CTNNA3: variants seen among roughly 807,000 people sequenced by gnomAD.
The protein encoded by CTNNA3 is catenin alpha-3.
In CTNNA3, 76 loss-of-function variants were observed where a neutral mutation model predicts 95.7. The ratio of observed to expected loss-of-function variants is 0.79; its 90% CI spans 0.66 to 0.96. The LOEUF (loss-of-function observed/expected upper bound fraction) is 0.96, where lower values mean the gene tolerates loss of function less well. Among genes scored for constraint, CTNNA3 ranks in the 40% least tolerant of loss-of-function variants. CTNNA3 has a pLI of 0.00. For synonymous variants in CTNNA3, 431 were observed against 374.4 expected, an observed-to-expected ratio of 1.15 and a Z score of -1.74; for missense variants, 1,191 against 1,089.8, an observed-to-expected ratio of 1.09 and a Z score of -1.31.
intron 7 of CTNNA3, among the ~76,000 whole-genome samples, chr10:66,806,756 A>ATGTGTGTGTGTGTGTG (rs57749652): frequency 2.7e-5 from 4 of 145,718 alleles, no homozygotes; most frequent in African/African-American, 1.0e-4. Context: ...TGTGGCATAT[A>ATGTGTGTGTGTGTGTG]TGTGTGTGTG....
chr10:67,754,701 T>C (rs1451285070), intron 1 of CTNNA3, among the ~76,000 whole-genome samples: 1 of 152,058 alleles, frequency 6.6e-6, no homozygotes, highest in East Asian at 1.9e-4. Context: ...TTTATCAAGA[T>C]AAAAGTCTTC....
chr10:67,141,864 A>C (rs1355267036), intron 7 of CTNNA3, among the ~76,000 whole-genome samples: 2 of 151,584 alleles, frequency 1.3e-5, no homozygotes, highest in South Asian at 2.1e-4. Flanking sequence ...TTTTTTTCTT[A>C]TTTATAGATT....
intron 15 of CTNNA3, among the ~76,000 whole-genome samples, chr10:66,002,590 C>T (rs560932826): frequency 4.6e-5 from 7 of 152,040 alleles, no homozygotes; most frequent in East Asian, 1.9e-4. Flanking sequence ...ATAGTCCAGG[C>T]GAATTGTGGG....
Position 66,309,946 on chromosome 10 carries a change from TAAATAAATA to T in CTNNA3, c.1733-29334_1733-29326del, listed in dbSNP as rs1564856545. On this transcript the variant is annotated intron_variant, in intron 12 of 17. Transcript: ENST00000433211. ...ATAAATAAATAAATAAATAAATAAA[TAAATAAATA>T]AAATAAAAATAAAAATAAATTAGCT... Among the ~76,000 whole-genome samples the T allele has an allele frequency of 7.2e-5, 8 of 111,278 alleles. No homozygotes were observed. In the South Asian group the frequency reaches 7.9e-4, roughly 11 times the overall value. 73.0% of individuals were successfully genotyped at this position (111,278 alleles called of 152,430 possible).
intron 10 of CTNNA3, among the ~76,000 whole-genome samples, chr10:66,552,443 T>C (rs1564528569): frequency 1.3e-5 from 2 of 152,140 alleles, no homozygotes; most frequent in Non-Finnish European, 2.9e-5. Context: ...ATCAACCCTG[T>C]AAAATTGCTT....
At chr10:66,865,946 T>A (rs896518736) in intron 7 of CTNNA3, among the ~76,000 whole-genome samples, 1 of 152,180 alleles carries the variant, frequency 6.6e-6, no homozygotes, top group Non-Finnish European at 1.5e-5. Flanking sequence ...TGATTTGTAA[T>A]GTGTTAATTT....
intron 7 of CTNNA3, among the ~76,000 whole-genome samples, chr10:66,995,569 T>G (rs1035834536): frequency 6.6e-6 from 1 of 152,220 alleles, no homozygotes; most frequent in Admixed American, 6.5e-5. Flanking sequence ...TCTTGCAGGA[T>G]AAATTACAAA....
At chr10:67,299,550 G>A (rs983057092) in intron 5 of CTNNA3, among the ~76,000 whole-genome samples, 1 of 152,180 alleles carries the variant, frequency 6.6e-6, no homozygotes, top group Non-Finnish European at 1.5e-5. Context: ...GTAGAAGGCT[G>A]TAGGATTCTT....
chr10:66,019,257 T>C (rs745632655), intron 15 of CTNNA3, among the ~76,000 whole-genome samples: 4 of 152,202 alleles, frequency 2.6e-5, no homozygotes, highest in African/African-American at 4.8e-5. Context: ...GGTAGGAATA[T>C]GTAAATGTCT....
intron 1 of CTNNA3, among the ~76,000 whole-genome samples, chr10:67,752,928 A>G (rs991197828): frequency 6.6e-6 from 1 of 152,230 alleles, no homozygotes; most frequent in African/African-American, 2.4e-5. Flanking sequence ...TGCTATTCCC[A>G]TTAAACTACC....
intron 10 of CTNNA3, among the ~76,000 whole-genome samples, chr10:66,527,140 T>G (rs1841296473): frequency 6.6e-6 from 1 of 152,170 alleles, no homozygotes; most frequent in African/African-American, 2.4e-5. Context: ...TTCGTTGCCA[T>G]GTACTTGTTT....
chr10:67,416,193 C>A (rs890000532), intron 5 of CTNNA3, among the ~76,000 whole-genome samples: 1 of 151,982 alleles, frequency 6.6e-6, no homozygotes, highest in African/African-American at 2.4e-5. Flanking sequence ...AAACTATGAA[C>A]AGAGCAAAGA....
intron 10 of CTNNA3, among the ~76,000 whole-genome samples, chr10:66,566,686 AC>A (rs1842717265): frequency 6.6e-6 from 1 of 151,802 alleles, no homozygotes; most frequent in Non-Finnish European, 1.5e-5. Flanking sequence ...CCAAGAGGCA[AC>A]CCCTGCTACT....
At chr10:66,430,096 C>T (rs12266307) in intron 11 of CTNNA3, among the ~76,000 whole-genome samples, 2,238 of 92,510 alleles carry the variant, frequency 0.024, 50 homozygotes, top group South Asian at 0.043. Flanking sequence ...ACAAGCATTC[C>T]TATACACCAT....
chr10:67,233,338 G>A lies in CTNNA3; in HGVS notation c.580-13468C>T, dbSNP rs1363718968. 2.6e-5 allele frequency among the ~76,000 whole-genome samples: 4 copies of A among 151,300 alleles called. No individual in the cohort carries two copies. In the East Asian group the frequency reaches 7.7e-4, roughly 29 times the overall value. On this transcript the variant is annotated intron_variant, in intron 5 of 17. Transcript: ENST00000433211. The stretch of plus-strand genomic sequence containing the variant: ...CTCAGACCACAGTGCAAGCAAACTA[G>A]AACTCAGGATTAAGAATCTCACTCA...
chr10:67,607,319 A>G lies in CTNNA3; in HGVS notation c.100-270T>C, dbSNP rs55755897. ...GTATCTGTATGTACTATATAACTAT[A>G]TTCCTACAATAAGATGAGCTAGAGA... On this transcript the variant is annotated intron_variant, in intron 2 of 17. Transcript: ENST00000433211. 0.087 allele frequency among the ~76,000 whole-genome samples: 13,177 copies of G among 152,284 alleles called. 1,319 individuals are homozygous for G. Among genetic ancestry groups the G allele is most frequent in the African/African-American group, 0.25 (10,177 of 41,526 alleles).
intron 13 of CTNNA3, among the ~76,000 whole-genome samples, chr10:66,120,048 G>A (rs2082511899): frequency 6.6e-6 from 1 of 152,140 alleles, no homozygotes; most frequent in Non-Finnish European, 1.5e-5. Flanking sequence ...TCATTCTCGT[G>A]TGAAACTAGT....
In CTNNA3 at chr10:66,927,372, G is replaced by C. The variant is rs1337007987; in HGVS notation, c.1048-151848C>G. 33 of 1,614,060 alleles carry C rather than the reference G, an allele frequency of 2.0e-5. No individual in the cohort carries two copies. Among genetic ancestry groups the C allele is most frequent in the Non-Finnish European group, 2.7e-5 (32 of 1,180,052 alleles). On this transcript the variant is annotated intron_variant, in intron 7 of 17. Transcript: ENST00000433211. This position sits in a 1 kb window ranked among gnomAD's most constrained non-coding sequence, Gnocchi z 4.7. The stretch of plus-strand genomic sequence containing the variant: ...AGCTGCATTCTCTGGGATCTGAACA[G>C]TTTCGGGGCTTGCGGAAGCTGCTGA...
At chr10:67,233,225 A>G (rs1160914681) in intron 5 of CTNNA3, among the ~76,000 whole-genome samples, 9 of 152,164 alleles carry the variant, frequency 5.9e-5, no homozygotes, top group African/African-American at 2.2e-4. Context: ...TCAGCACCAC[A>G]CCACACCTAT....
Sources: gnomAD v4.1 joint callset for allele counts (sites outside exome capture counted in the v4.1 genomes callset) on GRCh38, gnomAD v4.1.1 for gene constraint, Gnocchi (gnomAD v3.1) non-coding constraint, MANE v1.5 for transcripts, NCBI Gene and HGNC (gene_info 2026-07-23, HGNC 2026-07-21) for gene names.